The following OSTF1 variants were observed in gnomAD, a reference collection of about 807,000 sequenced individuals.
The protein encoded by OSTF1 is osteoclast-stimulating factor 1.
OSTF1 carries 27 observed loss-of-function variants against 37.2 expected under a neutral mutation model. The ratio of observed to expected loss-of-function variants is 0.73; its 90% CI spans 0.54 to 1.00. The LOEUF (loss-of-function observed/expected upper bound fraction) is 1.00, where lower values mean the gene tolerates loss of function less well. OSTF1 is among the 50% of genes least tolerant of loss of function. The pLI, the probability that OSTF1 is intolerant of heterozygous loss-of-function variation, is 0.00. For missense variants in OSTF1, 232 were observed against 253.8 expected (o/e 0.91, Z 0.58); for synonymous variants, 82 against 89.2 (o/e 0.92, Z 0.46).
chr9:75,116,371 G>A (rs935354313), intron 1 of OSTF1, among the ~76,000 whole-genome samples: 1 of 152,222 alleles, frequency 6.6e-6, no homozygotes, highest in Non-Finnish European at 1.5e-5. Flanking sequence ...CATTTATTAA[G>A]TTCTACTATG....
chr9:75,146,190 C>T (rs1408990798), intron 9 of OSTF1, among the ~76,000 whole-genome samples: 1 of 152,142 alleles, frequency 6.6e-6, no homozygotes, highest in African/African-American at 2.4e-5. Flanking sequence ...TAAAACTTTT[C>T]CCCCCCATTT....
At chr9:75,090,006 T>TG (rs1285865237) in intron 1 of OSTF1, among the ~76,000 whole-genome samples, 1 of 152,150 alleles carries the variant, frequency 6.6e-6, no homozygotes, top group Admixed American at 6.6e-5. Flanking sequence ...TGGGCAAAGA[T>TG]GGGGCACAGC....
chr9:75,146,638 T>C, intron 9 of OSTF1, 45 bp from the exon 10 acceptor site: 1 of 1,324,932 alleles, frequency 7.5e-7, no homozygotes, highest in Non-Finnish European at 1.1e-6. Flanking sequence ...ATCTGAGCAG[T>C]TTATAATTTC....
chr9:75,114,347 C>A (rs541069386), intron 1 of OSTF1, among the ~76,000 whole-genome samples: 6 of 152,180 alleles, frequency 3.9e-5, no homozygotes, highest in African/African-American at 1.4e-4. Context: ...AATCCATTTT[C>A]TGATGTTCTA....
At position 75,137,570 on chromosome 9, in the gene OSTF1, T is replaced by C. The variant is rs1324517324; in HGVS notation, c.441T>C (p.Ala147=). Reference sequence around the variant, plus strand: ...TGGGAGATACAGCTTTGCATGCTGCTGCCTGGAAGGGTTATGCAGATATCG... The same window carrying C: ...TGGGAGATACAGCTTTGCATGCTGCCGCCTGGAAGGGTTATGCAGATATCG... The part of the protein sequence containing the change: ...NKLGDTALHA[A]AWKGYADIVQ... The change falls in exon 8 of 10, where the codon GCT becomes GCC. Residue 147 remains alanine (A), a synonymous_variant. Coordinates refer to ENST00000346234, the MANE Select transcript of OSTF1 (RefSeq NM_012383.5). The C allele has an allele frequency of 6.2e-7, 1 of 1,613,160 alleles. No individual in the cohort carries two copies. Among genetic ancestry groups the C allele is most frequent in the African/African-American group, 1.3e-5 (1 of 74,926 alleles).
At chr9:75,130,679 A>T (rs768559897) in intron 4 of OSTF1, 38 bp downstream of exon 4, 1 of 1,447,300 alleles carries the variant, frequency 6.9e-7, no homozygotes, top group Non-Finnish European at 9.7e-7. Flanking sequence ...AGCTTCGTTC[A>T]CTTGGAATTT....
At chr9:75,139,026 A>G (rs189855554) in intron 8 of OSTF1, among the ~76,000 whole-genome samples, 2 of 61,390 alleles carry the variant, frequency 3.3e-5, no homozygotes, top group East Asian at 1.1e-3. Context: ...ATTTGGGGAC[A>G]CTTCTTTCTT....
chr9:75,101,203 G>T (rs1340824568), intron 1 of OSTF1, among the ~76,000 whole-genome samples: 4 of 152,184 alleles, frequency 2.6e-5, no homozygotes, highest in African/African-American at 9.7e-5. Context: ...GGGCTGTCTA[G>T]GCGGAGCCCT....
intron 2 of OSTF1, among the ~76,000 whole-genome samples, chr9:75,122,125 A>G (rs1825590202): frequency 6.6e-6 from 1 of 152,180 alleles, no homozygotes; most frequent in African/African-American, 2.4e-5. Context: ...ACCTGGCTGG[A>G]CTGAATTGAC....
chr9:75,131,688 G>T, intron 4 of OSTF1, 82 bp from the exon 5 acceptor site: 1 of 970,240 alleles, frequency 1.0e-6, no homozygotes, highest in Non-Finnish European at 1.7e-6. Flanking sequence ...TGAAGCTGGG[G>T]GACTGTGGTG....
At chr9:75,115,640 TTTTTG>T (rs202124546) in intron 1 of OSTF1, among the ~76,000 whole-genome samples, 28,778 of 144,642 alleles carry the variant, frequency 0.2, 2,493 homozygotes, top group Admixed American at 0.22. Flanking sequence ...ACCCCCCCTT[TTTTTG>T]TTTTTTTTTT....
chr9:75,139,351 AG>A (rs1213279526), intron 8 of OSTF1, among the ~76,000 whole-genome samples: 1 of 151,832 alleles, frequency 6.6e-6, no homozygotes, highest in Non-Finnish European at 1.5e-5. Context: ...TGTTTATTGA[AG>A]GGGAAGTGGT....
chr9:75,128,283 C>T (rs1490026611), intron 3 of OSTF1, among the ~76,000 whole-genome samples: 3 of 144,500 alleles, frequency 2.1e-5, no homozygotes. Flanking sequence ...GGCCTAACCA[C>T]ACAGAGAGGA....
intron 2 of OSTF1, among the ~76,000 whole-genome samples, 155 bp from the exon 3 acceptor site, chr9:75,127,414 T>C (rs949159969): frequency 1.8e-4 from 27 of 152,222 alleles, no homozygotes; most frequent in African/African-American, 6.3e-4. Context: ...ATTCATGTGT[T>C]AATTTTTCAG....
intron 4 of OSTF1, 120 bp from the exon 5 acceptor site, chr9:75,131,650 G>C (rs1397056208): frequency 2.8e-6 from 2 of 711,360 alleles, no homozygotes; most frequent in Non-Finnish European, 5.1e-6. Context: ...TTAAGTAAAG[G>C]AAACTGTGTT....
At chr9:75,145,263 A>T (rs1329372910) in intron 9 of OSTF1, among the ~76,000 whole-genome samples, 1 of 152,122 alleles carries the variant, frequency 6.6e-6, no homozygotes, top group Admixed American at 6.6e-5. Context: ...CTATGTATCA[A>T]ATCTAGCTAG....
rs376726301 is a variant in OSTF1 at position 75,098,783 on chromosome 9, A to T, written c.34+10057A>T. Among the ~76,000 whole-genome samples, 6 of 152,282 alleles carry T rather than the reference A, an allele frequency of 3.9e-5. No individual in the cohort carries two copies. The East Asian group carries it at 9.7e-4, about 25-fold the overall frequency. On this transcript the variant is annotated intron_variant, in intron 1 of 9. Coordinates refer to ENST00000346234, the MANE Select transcript of OSTF1 (RefSeq NM_012383.5). ...TAGATTTAAATTAAGACCTTGCTTT[A>T]CAGAAATCATTGTATTTGATTCCAG...
At chr9:75,100,422 G>GTTT (rs577059049) in intron 1 of OSTF1, among the ~76,000 whole-genome samples, 19 of 148,590 alleles carry the variant, frequency 1.3e-4, no homozygotes, top group African/African-American at 4.7e-4. Context: ...GTGAAAAAGA[G>GTTT]TTTTTTTTTT....
At chr9:75,141,780 C>T (rs1433561161) in intron 9 of OSTF1, among the ~76,000 whole-genome samples, 1 of 152,134 alleles carries the variant, frequency 6.6e-6, no homozygotes, top group East Asian at 1.9e-4. Context: ...TGGAGTCTTA[C>T]TCTGTTGCTC....
Sources: allele counts gnomAD v4.1 joint callset (sites outside exome capture counted in the v4.1 genomes callset), GRCh38; gene constraint gnomAD v4.1.1; transcripts MANE v1.5; gene names NCBI Gene and HGNC (gene_info 2026-07-23, HGNC 2026-07-21).